Variants in SLIT2 observed in about 807,000 individuals in gnomAD.
SLIT2 encodes slit homolog 2 protein.
In SLIT2, 41 loss-of-function variants were observed where a neutral mutation model predicts 185.7. The ratio of observed to expected loss-of-function variants is 0.22; its 90% CI spans 0.17 to 0.29. The LOEUF (loss-of-function observed/expected upper bound fraction) is 0.29. Ranked by LOEUF, SLIT2 falls within the 10% of genes least tolerant of loss-of-function variation. The pLI, the probability that SLIT2 is intolerant of heterozygous loss-of-function variation, is 1.00. For synonymous variants in SLIT2, 693 were observed against 680.2 expected, an observed-to-expected ratio of 1.02 and a Z score of -0.29; for missense variants, 1,571 against 1,909.0, an observed-to-expected ratio of 0.82 and a Z score of 3.30.
chr4:20,270,764 C>G (rs998416686), intron 4 of SLIT2, among the ~76,000 whole-genome samples: 1 of 151,746 alleles, frequency 6.6e-6, no homozygotes, highest in Non-Finnish European at 1.5e-5. Context: ...AAAGTGTATC[C>G]CTTTACATGA....
chr4:20,377,333 GATTAAA>G (rs1724105488), intron 4 of SLIT2, among the ~76,000 whole-genome samples: 1 of 152,006 alleles, frequency 6.6e-6, no homozygotes, highest in Non-Finnish European at 1.5e-5. Context: ...CATCTATTAA[GATTAAA>G]ATTAAATGAA....
At chr4:20,268,697 A>G (rs1460761731) in intron 3 of SLIT2, 113 bp from the exon 4 acceptor site, 2 of 765,964 alleles carry the variant, frequency 2.6e-6, no homozygotes, top group Non-Finnish European at 4.7e-6. Flanking sequence ...ATTCTCCTGA[A>G]TGTCATTTCA....
Position 20,484,709 on chromosome 4 carries a change from A to G in SLIT2, c.540-1491A>G, listed in dbSNP as rs1026335238. 1.3e-5 allele frequency among the ~76,000 whole-genome samples: 2 copies of G among 152,178 alleles called. No individual in the cohort carries two copies. Among genetic ancestry groups the G allele is most frequent in the African/African-American group, 4.8e-5 (2 of 41,470 alleles). ...GTCTACAGACTGTTTGAAATGTTTT[A>G]ATTAGTTGCCACTATTTAAACATTA... On this transcript the variant is annotated intron_variant, in intron 6 of 36. Coordinates refer to ENST00000504154, the MANE Select transcript of SLIT2 (RefSeq NM_004787.4). The surrounding 1 kb of genome is among the most constrained non-coding windows in gnomAD (Gnocchi z 4.3).
At chr4:20,491,234 C>T (rs1214218214) in intron 8 of SLIT2, among the ~76,000 whole-genome samples, 1 of 152,138 alleles carries the variant, frequency 6.6e-6, no homozygotes, top group African/African-American at 2.4e-5. Context: ...CCTATCAAGA[C>T]ATCAAATTCT....
intron 4 of SLIT2, among the ~76,000 whole-genome samples, chr4:20,408,039 A>G (rs1377259892): frequency 6.6e-6 from 1 of 152,226 alleles, no homozygotes; most frequent in African/African-American, 2.4e-5. Flanking sequence ...GGTGATCAGC[A>G]ACTATTGTTA....
At chr4:20,363,603 T>A (rs1722899040) in intron 4 of SLIT2, among the ~76,000 whole-genome samples, 1 of 152,108 alleles carries the variant, frequency 6.6e-6, no homozygotes, top group African/African-American at 2.4e-5. Flanking sequence ...ATAATATTTT[T>A]AAAAACTGCA....
chr4:20,411,616 T>A lies in SLIT2; in HGVS notation c.396-56136T>A, dbSNP rs193062290. 1.0e-3 allele frequency among the ~76,000 whole-genome samples: 158 copies of A among 152,316 alleles called. 2 individuals carry two copies. The highest frequency in any genetic ancestry group is 0.01 in the Admixed American group (157 of 15,298). On this transcript the variant is annotated intron_variant, in intron 4 of 36. Coordinates refer to ENST00000504154, the MANE Select transcript of SLIT2 (RefSeq NM_004787.4). Reference sequence around the variant, plus strand: ...CTTGAACTCAGCAAGGTCCAGTGACTTGTTTTAGGTCACTTACATATTAGT... The same window carrying A: ...CTTGAACTCAGCAAGGTCCAGTGACATGTTTTAGGTCACTTACATATTAGT...
chr4:20,293,568 C>T (rs1012974512), intron 4 of SLIT2, among the ~76,000 whole-genome samples: 11 of 152,158 alleles, frequency 7.2e-5, no homozygotes, highest in Admixed American at 1.3e-4. Context: ...GTAATGTGAA[C>T]TTAAGAAAGG....
At chr4:20,368,372 A>C (rs1030423405) in intron 4 of SLIT2, among the ~76,000 whole-genome samples, 2 of 151,778 alleles carry the variant, frequency 1.3e-5, no homozygotes, top group African/African-American at 4.8e-5. Flanking sequence ...AAAACAAAAC[A>C]AAACAAAAAA....
rs370403678 is a variant in SLIT2, at chr4:20,593,708, A to C, written c.3183-1989A>C. On this transcript the variant is annotated intron_variant, in intron 30 of 36. Coordinates refer to ENST00000504154, the MANE Select transcript of SLIT2 (RefSeq NM_004787.4). ...GACTGTGGTAATTATTTCACAATGT[A>C]TGTATGTATAAAACATTACCATGTA... 3.3e-5 allele frequency among the ~76,000 whole-genome samples: 5 copies of C among 152,262 alleles called. No homozygotes were observed. In the South Asian group the frequency reaches 1.0e-3, roughly 32 times the overall value.
chr4:20,445,692 A>G (rs1711706502), intron 4 of SLIT2, among the ~76,000 whole-genome samples: 1 of 152,248 alleles, frequency 6.6e-6, no homozygotes, highest in Admixed American at 6.5e-5. Flanking sequence ...ACAGATTTCA[A>G]GAGTATCCAA....
chr4:20,472,385 T>TATCTATA (rs1560453709), intron 5 of SLIT2, among the ~76,000 whole-genome samples: 1 of 39,262 alleles, frequency 2.5e-5, no homozygotes, highest in African/African-American at 1.4e-4. Flanking sequence ...TCTATATATA[T>TATCTATA]GTAGATATAT....
At chr4:20,431,335 C>T (rs1728956565) in intron 4 of SLIT2, among the ~76,000 whole-genome samples, 1 of 151,980 alleles carries the variant, frequency 6.6e-6, no homozygotes, top group South Asian at 2.1e-4. Flanking sequence ...AAATTAGATG[C>T]TAGGAGGTAA....
chr4:20,366,234 C>T (rs1020736976), intron 4 of SLIT2, among the ~76,000 whole-genome samples: 1 of 151,928 alleles, frequency 6.6e-6, no homozygotes, highest in African/African-American at 2.4e-5. Context: ...TTCTATATCC[C>T]TCTATTTTGC....
chr4:20,276,536 C>G (rs912819364), intron 4 of SLIT2, among the ~76,000 whole-genome samples: 2 of 151,946 alleles, frequency 1.3e-5, no homozygotes, highest in African/African-American at 2.4e-5. Context: ...CTTGAAACAT[C>G]CCCCAAATGA....
rs149631415 is a variant in SLIT2 at position 20,419,329 on chromosome 4, C to A, written c.396-48423C>A. On this transcript the variant is annotated intron_variant, in intron 4 of 36. Transcript: ENST00000504154. ...AAAAATGTGCTTACATACATGTACA[C>A]ACATATGTGTATGTATGCTTATAAA... is the stretch of plus-strand genomic sequence containing the variant. 2.9e-3 allele frequency among the ~76,000 whole-genome samples: 445 copies of A among 152,228 alleles called. 4 individuals are homozygous for A. The highest frequency in any genetic ancestry group is 0.01 in the African/African-American group (423 of 41,536).
At chr4:20,455,744 T>A (rs1420243707) in intron 4 of SLIT2, among the ~76,000 whole-genome samples, 1 of 152,084 alleles carries the variant, frequency 6.6e-6, no homozygotes, top group African/African-American at 2.4e-5. Flanking sequence ...GCATAAATAA[T>A]CTAAAAAACT....
intron 4 of SLIT2, among the ~76,000 whole-genome samples, chr4:20,285,740 G>A (rs1038964600): frequency 6.6e-6 from 1 of 152,122 alleles, no homozygotes; most frequent in African/African-American, 2.4e-5. Flanking sequence ...TAAAGATGGT[G>A]TTTCACCATA....
Position 20,491,877 on chromosome 4 carries a change from C to A in SLIT2, c.892C>A (p.Leu298Ile). Residue 298 changes from leucine to isoleucine, a missense_variant, in exon 9 of 37, where the codon CTT becomes ATT. Physicochemically the swap from Leu to Ile is conservative, Grantham distance 5. This residue lies in a region of SLIT2 where 1,202 missense variants were observed against 1,416.4 expected (regional missense o/e 0.85). Transcript: ENST00000504154. Reference protein sequence around the residue: ...GKGLTEIPTNLPETITEIRLE... With the variant: ...GKGLTEIPTNIPETITEIRLE... ...AGGTCTCACTGAGATCCCCACAAAT[C>A]TTCCAGAGACCATCACAGAAATGTA... 1 of 1,613,736 alleles carries A rather than the reference C, an allele frequency of 6.2e-7. No individual in the cohort carries two copies. The highest frequency in any genetic ancestry group is 1.1e-5 in the South Asian group (1 of 90,970).
Sources: allele counts gnomAD v4.1 joint callset (sites outside exome capture counted in the v4.1 genomes callset), GRCh38; gene constraint gnomAD v4.1.1; regional missense constraint gnomAD v4.1.1; non-coding constraint Gnocchi (gnomAD v3.1); transcripts MANE v1.5; gene names NCBI Gene and HGNC (gene_info 2026-07-23, HGNC 2026-07-21).